The following IL1RAPL1 variants were observed in gnomAD, a reference collection of about 807,000 sequenced individuals.
IL1RAPL1 encodes interleukin-1 receptor accessory protein-like 1.
A neutral mutation model predicts 48.4 loss-of-function variants in IL1RAPL1; 3 were observed. That is an observed-to-expected ratio of 0.06 (90% CI 0.03 to 0.16). The LOEUF (loss-of-function observed/expected upper bound fraction) is 0.16, where lower values mean the gene tolerates loss of function less well. IL1RAPL1 is among the 10% of genes least tolerant of loss of function. The pLI is 1.00. For missense variants in IL1RAPL1, 349 were observed against 530.6 expected (o/e 0.66, Z 3.36); for synonymous variants, 185 against 187.7 (o/e 0.99, Z 0.12).
At chrX:29,284,080 G>A (rs959205087) in intron 3 of IL1RAPL1, among the ~76,000 whole-genome samples, 1 of 112,201 alleles carries the variant, frequency 8.9e-6, no homozygotes, top group African/African-American at 3.2e-5. Context: ...CTGTATTTGG[G>A]CTTATTCAGA....
chrX:28,940,461 A>T (rs748295891), intron 2 of IL1RAPL1, among the ~76,000 whole-genome samples: 2 of 111,187 alleles, frequency 1.8e-5, no homozygotes, highest in Admixed American at 1.9e-4. Context: ...TGTTCTTTTC[A>T]GAAGCGTTCC....
At chrX:29,855,013 A>G (rs757080897) in intron 6 of IL1RAPL1, among the ~76,000 whole-genome samples, 1 of 111,867 alleles carries the variant, frequency 8.9e-6, no homozygotes, top group Admixed American at 9.5e-5. Context: ...GTCTTCGTAA[A>G]TTATAGAACA....
chrX:29,468,493 C>A (rs1489462199), intron 5 of IL1RAPL1, among the ~76,000 whole-genome samples: 2 of 111,954 alleles, frequency 1.8e-5, no homozygotes, highest in African/African-American at 6.5e-5. Flanking sequence ...AGGTGTAACA[C>A]TGATTACAGT....
intron 2 of IL1RAPL1, among the ~76,000 whole-genome samples, chrX:28,915,525 A>G (rs1486032608): frequency 8.9e-6 from 1 of 111,838 alleles, no homozygotes; most frequent in African/African-American, 3.3e-5. Flanking sequence ...ACTGTTGCAC[A>G]TACTTTACAT....
intron 6 of IL1RAPL1, among the ~76,000 whole-genome samples, chrX:29,750,952 A>G (rs1043925594): frequency 3.6e-5 from 4 of 111,739 alleles, no homozygotes; most frequent in African/African-American, 1.3e-4. Context: ...TGGTTCTCAA[A>G]CAATAACTTT....
intron 5 of IL1RAPL1, among the ~76,000 whole-genome samples, chrX:29,527,276 A>C (rs1436746011): frequency 9.3e-6 from 1 of 107,245 alleles, no homozygotes. Context: ...TACAGGTACT[A>C]GAAGAAAATA....
chrX:29,443,381 T>G (rs1934572461), intron 5 of IL1RAPL1, among the ~76,000 whole-genome samples: 1 of 111,251 alleles, frequency 9.0e-6, no homozygotes, highest in Non-Finnish European at 1.9e-5. Flanking sequence ...TTTACAAAAC[T>G]TTTTTCTCCC....
chrX:28,755,601 C>T (rs747549321), intron 1 of IL1RAPL1, among the ~76,000 whole-genome samples: 1 of 111,922 alleles, frequency 8.9e-6, no homozygotes, highest in South Asian at 3.7e-4. Context: ...ATTAAGCTCT[C>T]TTCTTTGTAT....
At chrX:28,972,747 AAAC>A (rs1199946202) in intron 2 of IL1RAPL1, among the ~76,000 whole-genome samples, 1 of 110,769 alleles carries the variant, frequency 9.0e-6, no homozygotes, top group African/African-American at 3.3e-5. Flanking sequence ...TCAAAAAACA[AAAC>A]AACAACATCA....
chrX:29,293,379 T>C (rs1932399618), intron 3 of IL1RAPL1, among the ~76,000 whole-genome samples: 1 of 110,416 alleles, frequency 9.1e-6, no homozygotes, highest in Non-Finnish European at 1.9e-5. Flanking sequence ...CTTTGTCTAA[T>C]CTTACCAAGT....
intron 2 of IL1RAPL1, among the ~76,000 whole-genome samples, chrX:29,259,037 C>T (rs1031360737): frequency 3.6e-5 from 4 of 111,277 alleles, no homozygotes; most frequent in African/African-American, 1.3e-4. Flanking sequence ...CAGACCTTAG[C>T]TTCTCTTTGT....
intron 5 of IL1RAPL1, among the ~76,000 whole-genome samples, chrX:29,645,058 A>G (rs1925279484): frequency 8.8e-6 from 1 of 113,105 alleles, no homozygotes; most frequent in South Asian, 3.6e-4. Flanking sequence ...GAGAAGTAAA[A>G]CAATTAGATA....
chrX:29,948,534 A>T (rs1002561358), intron 9 of IL1RAPL1, among the ~76,000 whole-genome samples: 13 of 111,765 alleles, frequency 1.2e-4, no homozygotes, highest in Admixed American at 1.1e-3. Flanking sequence ...TTGAAAAATC[A>T]TATCTTGAAA....
At chrX:29,379,038 G>C (rs1431817680) in intron 3 of IL1RAPL1, among the ~76,000 whole-genome samples, 1 of 112,329 alleles carries the variant, frequency 8.9e-6, no homozygotes, top group African/African-American at 3.2e-5. Context: ...TCCCCCACTA[G>C]AGTGTTGCAT....
At chrX:29,085,513 A>C (rs1386523678) in intron 2 of IL1RAPL1, among the ~76,000 whole-genome samples, 1 of 112,027 alleles carries the variant, frequency 8.9e-6, no homozygotes, top group Non-Finnish European at 1.9e-5. Flanking sequence ...TTTTACAGTT[A>C]GGGAAACTCA....
chrX:29,163,514 C>A (rs1218995392), intron 2 of IL1RAPL1, among the ~76,000 whole-genome samples: 1 of 111,268 alleles, frequency 9.0e-6, no homozygotes, highest in Non-Finnish European at 1.9e-5. Flanking sequence ...GAACTCTAGG[C>A]AAAGTAATTT....
At chrX:29,946,437 G>A (rs1466169277) in intron 9 of IL1RAPL1, among the ~76,000 whole-genome samples, 4 of 111,843 alleles carry the variant, frequency 3.6e-5, no homozygotes, top group African/African-American at 1.3e-4. Context: ...ATGTAATCTT[G>A]CATAATTCTC....
rs1933416319 is a variant in IL1RAPL1, at chrX:29,956,092, G to A, written c.*272G>A. ...TTACATTTTTTTTAAAGAAGAGACT[G>A]ATGTGTAGATAGAAAACCCTTTTTT... is the stretch of plus-strand genomic sequence containing the variant. On this transcript the variant is annotated 3_prime_UTR_variant, in exon 11 of 11. Coordinates refer to ENST00000378993, the MANE Select transcript of IL1RAPL1 (RefSeq NM_014271.4). 5.7e-6 allele frequency: 2 copies of A among 351,685 alleles called. No individual in the cohort carries two copies. Among genetic ancestry groups the A allele is most frequent in the Non-Finnish European group, 9.8e-6 (2 of 203,689 alleles). 29.0% of individuals were successfully genotyped at this position (351,685 alleles called of 1,213,427 possible).
At chrX:28,956,224 C>T (rs12559190) in intron 2 of IL1RAPL1, among the ~76,000 whole-genome samples, 5,871 of 107,374 alleles carry the variant, frequency 0.055, 325 homozygotes, top group East Asian at 0.31. Flanking sequence ...CAATTTGACT[C>T]CCTCTTTTCC....
Sources: allele counts gnomAD v4.1 joint callset (sites outside exome capture counted in the v4.1 genomes callset), GRCh38; gene constraint gnomAD v4.1.1; transcripts MANE v1.5; gene names NCBI Gene and HGNC (gene_info 2026-07-23, HGNC 2026-07-21).